The following FXYD5 variants were observed in gnomAD, a reference collection of about 807,000 sequenced individuals.
The protein encoded by FXYD5 is FXYD domain containing ion transport regulator 5.
Under a neutral mutation model 25.7 loss-of-function variants are expected in FXYD5, and 21 were observed. That is an observed-to-expected ratio of 0.82 (90% CI 0.58 to 1.18). FXYD5 has a LOEUF of 1.18. Ranked by LOEUF, FXYD5 falls within the 50% of genes most tolerant of loss-of-function variation. The pLI is 0.00. For missense variants in FXYD5, 229 were observed against 227.7 expected (o/e 1.01, Z -0.04); for synonymous variants, 101 against 90.7 (o/e 1.11, Z -0.64).
intron 2 of FXYD5, among the ~76,000 whole-genome samples, chr19:35,156,046 GA>G (rs2145408158): frequency 6.6e-6 from 1 of 152,356 alleles, no homozygotes; most frequent in East Asian, 1.9e-4. Flanking sequence ...TCTCCTGAAA[GA>G]TGGGAACCAC....
At chr19:35,159,174 A>G (rs1419136459) in intron 4 of FXYD5, among the ~76,000 whole-genome samples, 1 of 152,026 alleles carries the variant, frequency 6.6e-6, no homozygotes, top group Non-Finnish European at 1.5e-5. Flanking sequence ...ATGTTTAAAG[A>G]CACAGTAGTA....
At chr19:35,165,039 T>G (rs2065438671) in intron 6 of FXYD5, among the ~76,000 whole-genome samples, 1 of 152,126 alleles carries the variant, frequency 6.6e-6, no homozygotes, top group African/African-American at 2.4e-5. Flanking sequence ...TCAACTTTCC[T>G]GACCCAAAAA....
chr19:35,159,412 T>G (rs750516326), intron 4 of FXYD5: 5 of 1,468,170 alleles, frequency 3.4e-6, no homozygotes, highest in Non-Finnish European at 4.5e-6. Flanking sequence ...ATGATTGTTC[T>G]GCAGCTTGCT....
intron 4 of FXYD5, chr19:35,159,366 C>T: frequency 8.6e-7 from 1 of 1,160,012 alleles, no homozygotes; most frequent in Non-Finnish European, 1.2e-6. Context: ...AATGCACTGA[C>T]TGTGTGCTGT....
Position 35,161,888 on chromosome 19 carries a change from C to T in FXYD5, c.292+1087C>T, listed in dbSNP as rs555074446. Among the ~76,000 whole-genome samples the T allele has an allele frequency of 2.0e-5, 3 of 152,322 alleles. No homozygotes were observed. The East Asian group carries it at 5.8e-4, about 29-fold the overall frequency. ...CACCACCTCTCGGGCAATGCCATTC[C>T]CTTTGTCGGTCTTTATAATTGTTCC... On this transcript the variant is annotated intron_variant, in intron 5 of 8. Transcript: ENST00000392219.
At chr19:35,159,498 T>G in intron 4 of FXYD5, 1 of 1,549,838 alleles carries the variant, frequency 6.5e-7, no homozygotes, top group Non-Finnish European at 8.7e-7. Context: ...TTTTCTCTCC[T>G]GCCTGGTATT....
At position 35,163,495 on chromosome 19, in the gene FXYD5, T is replaced by C. The variant is rs536083135; in HGVS notation, c.293-661T>C. On this transcript the variant is annotated intron_variant, in intron 5 of 8. Coordinates refer to ENST00000392219, the MANE Select transcript of FXYD5 (RefSeq NM_014164.6). ...CAGAATAGTTTTGTTGTTGTTGTTG[T>C]TTTTGAGACAGAGTGTTGCTCTGTT... 3.2e-4 allele frequency among the ~76,000 whole-genome samples: 48 copies of C among 152,022 alleles called. 1 individual carries two copies. The highest frequency in any genetic ancestry group is 1.0e-3 in the African/African-American group (43 of 41,454).
At chr19:35,166,462 A>G in intron 8 of FXYD5, 137 bp downstream of exon 8, 1 of 614,410 alleles carries the variant, frequency 1.6e-6, no homozygotes, top group Non-Finnish European at 2.9e-6. Context: ...ACAAACCACC[A>G]CAGAATTCAG....
chr19:35,169,097 G>T (rs1488308466), intron 8 of FXYD5, among the ~76,000 whole-genome samples: 1 of 149,262 alleles, frequency 6.7e-6, no homozygotes, highest in Non-Finnish European at 1.5e-5. Context: ...CCTCATTGAA[G>T]CCCCAGTAGC....
chr19:35,167,756 G>A (rs1378098983), intron 8 of FXYD5, among the ~76,000 whole-genome samples: 2 of 152,124 alleles, frequency 1.3e-5, no homozygotes, highest in African/African-American at 4.8e-5. Context: ...TTCCTGATGT[G>A]TGCGTGATCC....
chr19:35,165,601 T>G (rs1031214622), intron 6 of FXYD5, among the ~76,000 whole-genome samples: 2 of 152,026 alleles, frequency 1.3e-5, no homozygotes, highest in East Asian at 3.9e-4. Context: ...CGACCTCCTA[T>G]CTCATCCTGT....
At position 35,169,546 on chromosome 19, in the gene FXYD5, A is replaced by G. The variant is rs374868219; in HGVS notation, c.488-20A>G. ...CAATATCACTCTAGCTCGTGACTGAATCATTTCCTTCACCCACAGGTGGCA... is the reference window on the plus strand; with the variant it reads ...CAATATCACTCTAGCTCGTGACTGAGTCATTTCCTTCACCCACAGGTGGCA... On this transcript the variant is annotated intron_variant, in intron 8 of 8. Coordinates refer to ENST00000392219, the MANE Select transcript of FXYD5 (RefSeq NM_014164.6). 1.3e-6 allele frequency: 2 copies of G among 1,582,010 alleles called. No individual in the cohort carries two copies. The highest frequency in any genetic ancestry group is 1.1e-5 in the South Asian group (1 of 90,486).
intron 6 of FXYD5, among the ~76,000 whole-genome samples, chr19:35,164,671 A>G (rs933505433): frequency 1.3e-5 from 2 of 152,154 alleles, no homozygotes; most frequent in African/African-American, 4.8e-5. Flanking sequence ...TCAGCCCCCC[A>G]GTGAATGAAT....
In FXYD5 at chr19:35,166,314, T is replaced by A. The variant is rs758865132; in HGVS notation, c.476T>A (p.Ile159Asn). 6.3e-7 allele frequency: 1 copy of A among 1,585,016 alleles called. No homozygotes were observed. The highest frequency in any genetic ancestry group is 8.6e-7 in the Non-Finnish European group (1 of 1,161,840). The change falls in exon 8 of 9, where the codon ATC becomes AAC. Residue 159 changes from isoleucine (I) to asparagine (N), a missense_variant. Ile to Asn is a moderately radical substitution (Grantham distance 149, BLOSUM62 -3). Coordinates refer to ENST00000392219, the MANE Select transcript of FXYD5 (RefSeq NM_014164.6). ...VAAVLFITGI[I>N]ILTSGKCRQL... is the part of the protein sequence containing the mutation. ...GCTGTGCTGTTCATCACAGGCATCA[T>A]CATCCTCACCAGTGAGAACTGGGGT...
chr19:35,166,241 C>A lies in FXYD5; in HGVS notation c.413-10C>A, dbSNP rs944441728. 18 of 1,612,386 alleles carry A rather than the reference C, an allele frequency of 1.1e-5. No individual in the cohort carries two copies. Among genetic ancestry groups the A allele is most frequent in the Non-Finnish European group, 1.5e-5 (18 of 1,178,550 alleles). ...CGTCTGACTCTACCCCTTCATTTTT[C>A]TCTCTGCAGATGAACACACCCTCCG... is the stretch of plus-strand genomic sequence containing the variant. On this transcript the variant is annotated splice_polypyrimidine_tract_variant and intron_variant, in intron 7 of 8. Coordinates refer to ENST00000392219, the MANE Select transcript of FXYD5 (RefSeq NM_014164.6).
rs370665375 is a variant in FXYD5, at chr19:35,160,823, A to C, written c.292+22A>C. On this transcript the variant is annotated intron_variant, in intron 5 of 8. Transcript: ENST00000392219. ...GCAGGTATAGCATGGGACTGAGAGC[A>C]GCAGCCTACGATTTTTGTTTAATTC... is the stretch of plus-strand genomic sequence containing the variant. 9 of 1,470,130 alleles carry C rather than the reference A, an allele frequency of 6.1e-6. No homozygotes were observed. In the African/African-American group the frequency reaches 1.1e-4, roughly 18 times the overall value. 91.1% of individuals were successfully genotyped at this position (1,470,130 alleles called of 1,614,324 possible).
chr19:35,168,308 G>A (rs1481146316), intron 8 of FXYD5, among the ~76,000 whole-genome samples: 1 of 152,198 alleles, frequency 6.6e-6, no homozygotes, highest in Non-Finnish European at 1.5e-5. Flanking sequence ...GCATGAATGA[G>A]TGGATACAGA....
chr19:35,157,522 A>G (rs747338757), intron 3 of FXYD5, 21 bp downstream of exon 3: 11 of 1,193,634 alleles, frequency 9.2e-6, no homozygotes, highest in East Asian at 4.7e-5. Context: ...GGACACATCT[A>G]TCAAGATCCT....
intron 4 of FXYD5, among the ~76,000 whole-genome samples, chr19:35,159,285 G>T (rs1354450384): frequency 1.3e-5 from 2 of 152,152 alleles, no homozygotes; most frequent in Non-Finnish European, 2.9e-5. Flanking sequence ...CTCTGTCTCT[G>T]AGAGGTCCCC....
Sources: allele counts gnomAD v4.1 joint callset (sites outside exome capture counted in the v4.1 genomes callset), GRCh38; gene constraint gnomAD v4.1.1; transcripts MANE v1.5; gene names NCBI Gene and HGNC (gene_info 2026-07-23, HGNC 2026-07-21).